Variants in TTLL11 observed in about 807,000 individuals in gnomAD.
TTLL11 encodes tubulin polyglutamylase TTLL11.
In TTLL11, 42 loss-of-function variants were observed where a neutral mutation model predicts 51.7. The observed-to-expected ratio is 0.81, with a 90% CI of 0.64 to 1.05. TTLL11 has a LOEUF of 1.05. Among genes scored for constraint, TTLL11 ranks in the 50% least tolerant of loss-of-function variants. TTLL11 has a pLI of 0.00. For missense variants in TTLL11, 799 were observed against 940.4 expected (o/e 0.85, Z 1.97); for synonymous variants, 381 against 383.5 (o/e 0.99, Z 0.08).
At chr9:121,950,999 C>CAT (rs1456638251) in intron 6 of TTLL11, among the ~76,000 whole-genome samples, 22 of 152,160 alleles carry the variant, frequency 1.4e-4, no homozygotes, top group Non-Finnish European at 2.9e-5. Flanking sequence ...AGCCACAGCC[C>CAT]CCTGCTCCAT....
At chr9:121,840,439 T>C (rs921373160) in intron 8 of TTLL11, among the ~76,000 whole-genome samples, 1 of 152,190 alleles carries the variant, frequency 6.6e-6, no homozygotes, top group Non-Finnish European at 1.5e-5. Flanking sequence ...TCACTCAGGC[T>C]GGAGGGAGTA....
chr9:121,935,353 C>T (rs560495939), intron 6 of TTLL11, among the ~76,000 whole-genome samples: 1 of 152,216 alleles, frequency 6.6e-6, no homozygotes, highest in Non-Finnish European at 1.5e-5. Context: ...GCAAAGGATG[C>T]CTTATCATTA....
intron 3 of TTLL11, among the ~76,000 whole-genome samples, chr9:122,027,370 C>G (rs1299060963): frequency 6.6e-6 from 1 of 152,110 alleles, no homozygotes; most frequent in African/African-American, 2.4e-5. Context: ...GTCAAGGTCA[C>G]AAAAGACAAA....
chr9:122,043,115 T>G (rs1370134279), intron 1 of TTLL11, among the ~76,000 whole-genome samples: 4 of 152,174 alleles, frequency 2.6e-5, no homozygotes, highest in Non-Finnish European at 5.9e-5. Flanking sequence ...CAGTGTAGTT[T>G]CATCAGTTGT....
rs1465365910 is a variant in TTLL11 at position 121,815,751 on chromosome 9, C to G, written c.*6836G>C. 6.6e-6 allele frequency: 1 copy of G among 152,172 alleles called. No homozygotes were observed. Among genetic ancestry groups the G allele is most frequent in the Non-Finnish European group, 1.5e-5 (1 of 68,028 alleles). 9.4% of individuals were successfully genotyped at this position (152,172 alleles called of 1,614,324 possible). A position where few individuals can be genotyped will look rare whatever the true frequency, so the allele number is the denominator to read the frequency against. ...GCGTTTTATGAAGTTGCCAAGACAA[C>G]TGAGGCCAAGTAACAGAACCTTGAC... On this transcript the variant is annotated 3_prime_UTR_variant, in exon 9 of 9. Coordinates refer to ENST00000321582, the MANE Select transcript of TTLL11 (RefSeq NM_001139442.2).
At chr9:121,980,510 A>G (rs1335915789) in intron 4 of TTLL11, among the ~76,000 whole-genome samples, 2 of 152,226 alleles carry the variant, frequency 1.3e-5, no homozygotes, top group African/African-American at 4.8e-5. Context: ...CAGTTGAACC[A>G]GCTACCTTCC....
intron 3 of TTLL11, among the ~76,000 whole-genome samples, chr9:122,016,434 C>T (rs540571407): frequency 2.0e-5 from 3 of 152,126 alleles, no homozygotes; most frequent in Non-Finnish European, 2.9e-5. Flanking sequence ...ACATTGTCTA[C>T]AGGAAGGAAA....
intron 8 of TTLL11, among the ~76,000 whole-genome samples, chr9:121,836,627 G>A (rs1162974769): frequency 2.0e-5 from 3 of 152,242 alleles, no homozygotes; most frequent in Non-Finnish European, 4.4e-5. Context: ...TGACCACTCA[G>A]TTCTGCCAGC....
chr9:122,088,202 T>G (rs1445158207), intron 1 of TTLL11, among the ~76,000 whole-genome samples: 1 of 152,206 alleles, frequency 6.6e-6, no homozygotes, highest in South Asian at 2.1e-4. Context: ...CTCCCCCATA[T>G]GCTCCCTCAG....
intron 1 of TTLL11, among the ~76,000 whole-genome samples, chr9:122,062,856 C>T (rs908603139): frequency 9.9e-5 from 15 of 151,862 alleles, no homozygotes; most frequent in African/African-American, 3.4e-4. Context: ...TACTGTTCGC[C>T]GTAGCCTTGA....
At chr9:121,915,684 G>C (rs1266932388) in intron 6 of TTLL11, among the ~76,000 whole-genome samples, 1 of 152,038 alleles carries the variant, frequency 6.6e-6, no homozygotes, top group African/African-American at 2.4e-5. Context: ...ATTTTCACAT[G>C]CTTCAAGCCT....
chr9:121,989,885 T>A lies in TTLL11; in HGVS notation c.694-115A>T. ...TGAGTGACAAGATGATCCCTGCCGATCTGAGCAGGGGCTGAGCATCTTCCA... is the reference window on the plus strand; with the variant it reads ...TGAGTGACAAGATGATCCCTGCCGAACTGAGCAGGGGCTGAGCATCTTCCA... On this transcript the variant is annotated intron_variant, in intron 3 of 8. Coordinates refer to ENST00000321582, the MANE Select transcript of TTLL11 (RefSeq NM_001139442.2). The surrounding 1 kb of genome is among the most constrained non-coding windows in gnomAD (Gnocchi z 4.2). The A allele has an allele frequency of 6.7e-7, 1 of 1,501,722 alleles. No individual in the cohort carries two copies. The highest frequency in any genetic ancestry group is 8.8e-7 in the Non-Finnish European group (1 of 1,135,124). 93.0% of individuals were successfully genotyped at this position (1,501,722 alleles called of 1,614,324 possible). A position where few individuals can be genotyped will look rare whatever the true frequency, so the allele number is the denominator to read the frequency against.
chr9:121,897,563 G>A (rs77139558), intron 6 of TTLL11, among the ~76,000 whole-genome samples: 3,424 of 148,168 alleles, frequency 0.023, 144 homozygotes, highest in African/African-American at 0.081. Flanking sequence ...GCTGAATGTC[G>A]ACTCTTGGCT....
intron 8 of TTLL11, among the ~76,000 whole-genome samples, chr9:121,826,485 ATATATATATGTGT>A (rs1836783149): frequency 1.4e-5 from 1 of 73,192 alleles, no homozygotes; most frequent in African/African-American, 6.1e-5. Context: ...ATATATGTAT[ATATATATATGTGT>A]GTGTATATAT....
chr9:121,822,637 G>A lies in TTLL11; in HGVS notation c.2083C>T (p.Arg695Cys), dbSNP rs557371956. 1.1e-5 allele frequency: 17 copies of A among 1,506,814 alleles called. No individual in the cohort carries two copies. The highest frequency in any genetic ancestry group is 4.5e-5 in the Admixed American group (2 of 44,628). The allele number at this position is 1,506,814 out of a possible 1,614,324, so 93.3% of individuals were successfully genotyped here. The change falls in exon 9 of 9, where the codon CGC (arginine) becomes TGC (cysteine). Residue 695 changes from arginine to cysteine, a missense_variant. Transcript: ENST00000321582. This position sits in a 1 kb window ranked among gnomAD's most constrained non-coding sequence, Gnocchi z 5.8. ...AQPAGDNPPP[R>C]TSCANKLSHP... is the part of the protein sequence containing the mutation. ...GAGAGCTTATTGGCACAGCTGGTGCGGGGTGGGGGGTTGTCCCCTGCTGGC... is the reference window on the plus strand; with the variant it reads ...GAGAGCTTATTGGCACAGCTGGTGCAGGGTGGGGGGTTGTCCCCTGCTGGC...
chr9:122,091,532 C>T (rs1473550726), intron 1 of TTLL11, among the ~76,000 whole-genome samples: 2 of 152,218 alleles, frequency 1.3e-5, no homozygotes, highest in Non-Finnish European at 2.9e-5. Context: ...TCCCTCCAAA[C>T]CAAATGCACT....
intron 3 of TTLL11, among the ~76,000 whole-genome samples, chr9:121,998,807 T>C (rs997726837): frequency 6.6e-6 from 1 of 152,092 alleles, no homozygotes; most frequent in Non-Finnish European, 1.5e-5. Flanking sequence ...TTTCATTCAC[T>C]TATTCATTTG....
At chr9:122,029,274 C>G (rs1017165957) in intron 3 of TTLL11, among the ~76,000 whole-genome samples, 1 of 151,874 alleles carries the variant, frequency 6.6e-6, no homozygotes, top group African/African-American at 2.4e-5. Context: ...CCTTCTACTT[C>G]TAAAAAAAAA....
chr9:122,031,019 G>A (rs1240117558), intron 3 of TTLL11, among the ~76,000 whole-genome samples: 3 of 152,198 alleles, frequency 2.0e-5, no homozygotes, highest in Non-Finnish European at 2.9e-5. Context: ...CCAGTAAATG[G>A]TGTTAGCCTT....
Sources: allele counts gnomAD v4.1 joint callset (sites outside exome capture counted in the v4.1 genomes callset), GRCh38; gene constraint gnomAD v4.1.1; non-coding constraint Gnocchi (gnomAD v3.1); transcripts MANE v1.5; gene names NCBI Gene and HGNC (gene_info 2026-07-23, HGNC 2026-07-21).